The following CSMD1 variants were observed in gnomAD, a reference collection of about 807,000 sequenced individuals.
CSMD1 encodes CUB and sushi domain-containing protein 1.
Under a neutral mutation model 417.5 loss-of-function variants are expected in CSMD1, and 213 were observed. The ratio of observed to expected loss-of-function variants is 0.51; its 90% CI spans 0.46 to 0.57. The LOEUF is 0.57. CSMD1 is among the 20% of genes least tolerant of loss of function. CSMD1 has a pLI of 0.00. For synonymous variants in CSMD1, 2,862 were observed against 1,736.8 expected (o/e 1.65, Z -16.11); for missense variants, 6,923 against 4,529.7 (o/e 1.53, Z -15.17).
chr8:4,299,095 G>A (rs913229016), intron 3 of CSMD1, among the ~76,000 whole-genome samples: 8 of 152,038 alleles, frequency 5.3e-5, no homozygotes, highest in South Asian at 2.1e-4. Context: ...ATATAAGGAG[G>A]GAAGAAGGTG....
Position 3,568,038 on chromosome 8 carries a change from G to C in CSMD1, c.1344+6907C>G, listed in dbSNP as rs1433285904. ...TTGGTACTGACAGAAGCCACTATTAGAATTACATGTGCTTCAGAGTATTGA... is the reference window on the plus strand; with the variant it reads ...TTGGTACTGACAGAAGCCACTATTACAATTACATGTGCTTCAGAGTATTGA... On this transcript the variant is annotated intron_variant, in intron 10 of 69. Transcript: ENST00000635120. Among the ~76,000 whole-genome samples, 3 of 152,150 alleles carry C rather than the reference G, an allele frequency of 2.0e-5. No individual in the cohort carries two copies. In the East Asian group the frequency reaches 5.8e-4, roughly 29 times the overall value.
intron 2 of CSMD1, among the ~76,000 whole-genome samples, chr8:4,612,724 T>A (rs989508800): frequency 6.6e-6 from 1 of 152,066 alleles, no homozygotes; most frequent in African/African-American, 2.4e-5. Flanking sequence ...GGCTGGTGGG[T>A]GTGTTTGTGT....
Position 3,219,376 on chromosome 8 carries a change from G to C in CSMD1, c.4551C>G (p.Leu1517=). The part of the protein sequence containing the change: ...IYEGEDSNSP[L]IGSYQGSQAP... ...CCTGAGAGCCCTGGTAACTCCCAAT[G>C]AGGGGGCTGTTGGAATCTTCCCCTT... The change falls in exon 29 of 70, where the codon CTC becomes CTG. Residue 1517 remains leucine (L), a synonymous_variant. Coordinates refer to ENST00000635120, the MANE Select transcript of CSMD1 (RefSeq NM_033225.6). 3 of 1,569,452 alleles carry C rather than the reference G, an allele frequency of 1.9e-6. No individual in the cohort carries two copies. The South Asian group carries it at 3.5e-5, about 18-fold the overall frequency.
intron 1 of CSMD1, among the ~76,000 whole-genome samples, chr8:4,880,759 C>T (rs60013085): frequency 0.025 from 3,738 of 152,072 alleles, 169 homozygotes; most frequent in African/African-American, 0.083. Flanking sequence ...CAATCTTTTG[C>T]CTTCAATATA....
At chr8:4,677,084 GAT>G (rs1379148078) in intron 1 of CSMD1, among the ~76,000 whole-genome samples, 1 of 143,418 alleles carries the variant, frequency 7.0e-6, no homozygotes, top group African/African-American at 2.5e-5. Flanking sequence ...TATATATAGG[GAT>G]ATATATTATA....
At chr8:3,804,701 T>G (rs1467721057) in intron 5 of CSMD1, among the ~76,000 whole-genome samples, 1 of 152,200 alleles carries the variant, frequency 6.6e-6, no homozygotes, top group Non-Finnish European at 1.5e-5. Flanking sequence ...AAGAAAAATG[T>G]AAACACATAT....
chr8:4,643,406 T>G (rs181824995), intron 1 of CSMD1, among the ~76,000 whole-genome samples: 42 of 152,344 alleles, frequency 2.8e-4, no homozygotes, highest in Non-Finnish European at 4.3e-4. Flanking sequence ...CTTTCATTTT[T>G]GACATTTTTG....
chr8:4,300,290 C>G (rs1417497853), intron 3 of CSMD1, among the ~76,000 whole-genome samples: 1 of 152,142 alleles, frequency 6.6e-6, no homozygotes, highest in African/African-American at 2.4e-5. Context: ...CACTTGGGCA[C>G]AGATGGGGAA....
chr8:3,044,982 C>A (rs1811339909), intron 50 of CSMD1, among the ~76,000 whole-genome samples: 1 of 152,150 alleles, frequency 6.6e-6, no homozygotes, highest in East Asian at 1.9e-4. Context: ...GCTTACTCTG[C>A]CAGATTTTTT....
intron 1 of CSMD1, among the ~76,000 whole-genome samples, chr8:4,875,983 G>A (rs939966069): frequency 5.3e-5 from 8 of 151,942 alleles, no homozygotes; most frequent in Non-Finnish European, 8.8e-5. Context: ...TTATGAACAC[G>A]ATTTTTATTT....
chr8:4,374,924 G>C (rs889662590), intron 3 of CSMD1, among the ~76,000 whole-genome samples: 5 of 115,984 alleles, frequency 4.3e-5, no homozygotes, highest in African/African-American at 1.0e-4. Flanking sequence ...TCTAATCAGA[G>C]TCTTAGAAAA....
At chr8:4,435,349 CTTAT>C (rs1467145587) in intron 2 of CSMD1, among the ~76,000 whole-genome samples, 2 of 152,014 alleles carry the variant, frequency 1.3e-5, no homozygotes, top group Non-Finnish European at 2.9e-5. Context: ...GTTTTGAGGC[CTTAT>C]TTAATTATTA....
intron 1 of CSMD1, among the ~76,000 whole-genome samples, chr8:4,877,288 G>C (rs1354453932): frequency 6.6e-6 from 1 of 151,842 alleles, no homozygotes; most frequent in Non-Finnish European, 1.5e-5. Flanking sequence ...GACTATTACA[G>C]GAAATATAAG....
chr8:3,742,432 T>C (rs1481371069), intron 6 of CSMD1, among the ~76,000 whole-genome samples: 3 of 152,220 alleles, frequency 2.0e-5, no homozygotes, highest in Non-Finnish European at 2.9e-5. Flanking sequence ...AAATTTTTAA[T>C]TGTGCTCCTC....
At chr8:3,202,255 A>T (rs1020984787) in intron 31 of CSMD1, among the ~76,000 whole-genome samples, 5 of 152,358 alleles carry the variant, frequency 3.3e-5, no homozygotes, top group Admixed American at 3.3e-4. Context: ...CAAAGGATCA[A>T]ACCCCATGAT....
intron 51 of CSMD1, 145 bp downstream of exon 51, chr8:3,029,174 G>T (rs997284704): frequency 1.8e-6 from 1 of 544,044 alleles, no homozygotes; most frequent in East Asian, 2.9e-5. Flanking sequence ...TATTCACATC[G>T]CAATGAAAAG....
intron 4 of CSMD1, among the ~76,000 whole-genome samples, chr8:4,006,120 G>T (rs1331219655): frequency 1.3e-5 from 2 of 152,162 alleles, no homozygotes; most frequent in Non-Finnish European, 2.9e-5. Flanking sequence ...GAGGAGACTT[G>T]ATATTCACAT....
intron 3 of CSMD1, among the ~76,000 whole-genome samples, chr8:4,351,784 G>C (rs1199021952): frequency 1.3e-5 from 2 of 152,038 alleles, no homozygotes; most frequent in African/African-American, 2.4e-5. Flanking sequence ...CACTTATTTT[G>C]TGCACTTGGA....
At chr8:4,111,212 C>T (rs1216609456) in intron 3 of CSMD1, among the ~76,000 whole-genome samples, 1 of 152,096 alleles carries the variant, frequency 6.6e-6, no homozygotes, top group Non-Finnish European at 1.5e-5. Flanking sequence ...TTATGTTTGT[C>T]ATCATCTTTT....
Sources: allele counts gnomAD v4.1 joint callset (sites outside exome capture counted in the v4.1 genomes callset), GRCh38; gene constraint gnomAD v4.1.1; transcripts MANE v1.5; gene names NCBI Gene and HGNC (gene_info 2026-07-23, HGNC 2026-07-21).